The following BORCS5 variants were observed in gnomAD, a reference collection of about 807,000 sequenced individuals.
BORCS5 encodes the protein BLOC-1-related complex subunit 5.
BORCS5 carries 17 observed loss-of-function variants against 22.1 expected under a neutral mutation model. That is an observed-to-expected ratio of 0.77 (90% CI 0.53 to 1.15). The LOEUF (loss-of-function observed/expected upper bound fraction) is 1.15, where lower values mean the gene tolerates loss of function less well. Among genes scored for constraint, BORCS5 ranks in the 50% most tolerant of loss-of-function variants. The pLI, the probability that BORCS5 is intolerant of heterozygous loss-of-function variation, is 0.00. For synonymous variants in BORCS5, 117 were observed against 99.8 expected (o/e 1.17, Z -1.03); for missense variants, 247 against 253.2 (o/e 0.98, Z 0.17).
At chr12:12,415,250 C>G (rs1826975148) in intron 2 of BORCS5, among the ~76,000 whole-genome samples, 2 of 150,888 alleles carry the variant, frequency 1.3e-5, no homozygotes, top group Admixed American at 1.3e-4. Context: ...GCACTCCAGC[C>G]TGGGCACCAT....
intron 2 of BORCS5, among the ~76,000 whole-genome samples, chr12:12,376,235 CTT>C (rs538292018): frequency 2.9e-4 from 39 of 136,138 alleles, no homozygotes; most frequent in Admixed American, 3.0e-4. Context: ...GCTCTTCAGT[CTT>C]TTTTTTTTTT....
chr12:12,412,900 CTTTTTTTTTTTT>C (rs869045354), intron 2 of BORCS5, among the ~76,000 whole-genome samples: 1 of 74,176 alleles, frequency 1.3e-5, no homozygotes, highest in Admixed American at 1.9e-4. Flanking sequence ...TTGTGGTTTT[CTTTTTTTTTTTT>C]TTTTTTTTTT....
intron 3 of BORCS5, among the ~76,000 whole-genome samples, chr12:12,439,104 G>C (rs10845544): frequency 0.36 from 54,588 of 152,142 alleles, 11,604 homozygotes; most frequent in Non-Finnish European, 0.48. Flanking sequence ...TTATAATGCT[G>C]TTATACCTAA....
chr12:12,423,941 TG>T (rs973606405), intron 2 of BORCS5, among the ~76,000 whole-genome samples: 8 of 152,280 alleles, frequency 5.3e-5, no homozygotes, highest in South Asian at 2.1e-4. Context: ...CTGCCCACCT[TG>T]GCCTCCCAAA....
At position 12,387,176 on chromosome 12, in the gene BORCS5, T is replaced by G. The variant is rs1332504470; in HGVS notation, c.202+25827T>G. On this transcript the variant is annotated intron_variant, in intron 2 of 3. Transcript: ENST00000314565. ...AGCTCTCATGCCTAGCAAGATTCAT[T>G]ATGTGGTTGTATCAATAGTTTGTTC... Among the ~76,000 whole-genome samples the G allele has an allele frequency of 2.0e-5, 3 of 151,424 alleles. 1 individual carries two copies. The highest frequency in any genetic ancestry group is 4.4e-5 in the Non-Finnish European group (3 of 67,748).
intron 3 of BORCS5, chr12:12,452,595 C>G (rs1942932259): frequency 3.1e-6 from 1 of 323,290 alleles, no homozygotes; most frequent in Non-Finnish European, 6.1e-6. Flanking sequence ...CTCCCGCACG[C>G]CGGCAAGAGT....
At chr12:12,434,875 G>A (rs1304695425) in intron 2 of BORCS5, among the ~76,000 whole-genome samples, 2 of 152,144 alleles carry the variant, frequency 1.3e-5, no homozygotes, top group Non-Finnish European at 2.9e-5. Flanking sequence ...CTGTTGATTT[G>A]GCAGAAAGCA....
In BORCS5 at chr12:12,465,614, C is replaced by A; in HGVS notation, c.429C>A (p.Ala143=). 1.2e-6 allele frequency: 2 copies of A among 1,614,256 alleles called. No homozygotes were observed. Among genetic ancestry groups the A allele is most frequent in the South Asian group, 2.2e-5 (2 of 91,088 alleles). The part of the protein sequence containing the change: ...QERQKRYAKY[A]EQIQKVNEMS... Reference sequence around the variant, plus strand: ...GCCAGAAAAGATACGCCAAGTATGCCGAGCAGATCCAGAAAGTGAACGAGA... The same window carrying A: ...GCCAGAAAAGATACGCCAAGTATGCAGAGCAGATCCAGAAAGTGAACGAGA... The change falls in exon 4 of 4, where the codon GCC becomes GCA. Residue 143 remains alanine, a synonymous_variant. Coordinates refer to ENST00000314565, the MANE Select transcript of BORCS5 (RefSeq NM_058169.6).
At chr12:12,415,334 G>T (rs1223093866) in intron 2 of BORCS5, among the ~76,000 whole-genome samples, 4 of 150,766 alleles carry the variant, frequency 2.7e-5, no homozygotes, top group African/African-American at 4.9e-5. Context: ...ATCACTCGCG[G>T]TTAGGAGCTG....
At chr12:12,391,911 G>GC (rs1941198823) in intron 2 of BORCS5, among the ~76,000 whole-genome samples, 4 of 33,672 alleles carry the variant, frequency 1.2e-4, no homozygotes, top group South Asian at 2.8e-3. Context: ...GCAGGCATGG[G>GC]GGTTTGCTCC....
chr12:12,471,036 C>T lies in BORCS5; in HGVS notation c.*5260C>T, dbSNP rs1943291273. Among the ~76,000 whole-genome samples the T allele has an allele frequency of 6.6e-6, 1 of 152,202 alleles. No homozygotes were observed. Among genetic ancestry groups the T allele is most frequent in the Non-Finnish European group, 1.5e-5 (1 of 68,038 alleles). ...TCATAATTCTGACAGAGAACACAGA[C>T]CATTACTGAATGCTCTTCAGGTTAC... On this transcript the variant is annotated 3_prime_UTR_variant, in exon 4 of 4. Transcript: ENST00000314565.
chr12:12,374,052 A>G (rs1277841367), intron 2 of BORCS5, among the ~76,000 whole-genome samples: 1 of 142,854 alleles, frequency 7.0e-6, no homozygotes. Context: ...CAGTGGTGCA[A>G]TCTCGGCTCA....
Position 12,468,279 on chromosome 12 carries a change from C to G in BORCS5, c.*2503C>G, listed in dbSNP as rs1287411588. The G allele has an allele frequency of 6.6e-6, 1 of 152,202 alleles. No homozygotes were observed. The highest frequency in any genetic ancestry group is 1.5e-5 in the Non-Finnish European group (1 of 68,058). 9.4% of individuals were successfully genotyped at this position (152,202 alleles called of 1,614,324 possible). A position where few individuals can be genotyped will look rare whatever the true frequency, so the allele number is the denominator to read the frequency against. ...GGTAACATGGCATTACCAGTCCTTT[C>G]CCTCTCATGTTTTGCTATTTCCTGA... On this transcript the variant is annotated 3_prime_UTR_variant, in exon 4 of 4. Transcript: ENST00000314565.
chr12:12,358,932 G>A (rs915341748), intron 1 of BORCS5, among the ~76,000 whole-genome samples: 54 of 152,156 alleles, frequency 3.5e-4, no homozygotes, highest in African/African-American at 1.2e-3. Flanking sequence ...CCAAGCCTCC[G>A]GAGACGAGCT....
chr12:12,372,510 C>T (rs1863553812), intron 2 of BORCS5, among the ~76,000 whole-genome samples: 1 of 152,076 alleles, frequency 6.6e-6, no homozygotes, highest in Non-Finnish European at 1.5e-5. Context: ...CACACCTGGC[C>T]TGGATTTCAT....
intron 3 of BORCS5, among the ~76,000 whole-genome samples, chr12:12,448,022 GA>G (rs1942825477): frequency 6.6e-6 from 1 of 152,100 alleles, no homozygotes; most frequent in South Asian, 2.1e-4. Flanking sequence ...GCCAGGTCTA[GA>G]ATAGGCATTT....
chr12:12,441,723 T>TAA (rs1334793601), intron 3 of BORCS5, among the ~76,000 whole-genome samples: 4 of 147,420 alleles, frequency 2.7e-5, no homozygotes, highest in Non-Finnish European at 6.0e-5. Flanking sequence ...AAAAAAAATT[T>TAA]TTTTTTTTTT....
rs1271841896 is a variant in BORCS5 at position 12,413,972 on chromosome 12, C to T, written c.203-21656C>T. On this transcript the variant is annotated intron_variant, in intron 2 of 3. Coordinates refer to ENST00000314565, the MANE Select transcript of BORCS5 (RefSeq NM_058169.6). Reference sequence around the variant, plus strand: ...CTCCCTCCCGGACGGGGCGGCTGGCCGGGCAGAGGGGTCCTCACTTCCCAG... The same window carrying T: ...CTCCCTCCCGGACGGGGCGGCTGGCTGGGCAGAGGGGTCCTCACTTCCCAG... 7.1e-5 allele frequency among the ~76,000 whole-genome samples: 4 copies of T among 56,330 alleles called. No homozygotes were observed. The East Asian group carries it at 1.1e-3, about 16-fold the overall frequency. The allele number at this position is 56,330 out of a possible 152,430, so 37.0% of individuals were successfully genotyped here.
At position 12,418,629 on chromosome 12, in the gene BORCS5, G is replaced by A. The variant is rs1942034482; in HGVS notation, c.203-16999G>A. On this transcript the variant is annotated intron_variant, in intron 2 of 3. Coordinates refer to ENST00000314565, the MANE Select transcript of BORCS5 (RefSeq NM_058169.6). ...TTGAGCCCAGGAATTCGAAGATACA[G>A]TGAGCTATCATCATGCCATTGCACT... Among the ~76,000 whole-genome samples, 10 of 152,310 alleles carry A rather than the reference G, an allele frequency of 6.6e-5. No homozygotes were observed. In the South Asian group the frequency reaches 2.1e-3, roughly 32 times the overall value.
Sources: gnomAD v4.1 joint callset for allele counts (sites outside exome capture counted in the v4.1 genomes callset) on GRCh38, gnomAD v4.1.1 for gene constraint, MANE v1.5 for transcripts, NCBI Gene and HGNC (gene_info 2026-07-23, HGNC 2026-07-21) for gene names.